Variants in TRAF7 observed in about 807,000 individuals in gnomAD.
TRAF7 encodes E3 ubiquitin-protein ligase TRAF7.
TRAF7 carries 45 observed loss-of-function variants against 89.3 expected under a neutral mutation model. That is an observed-to-expected ratio of 0.50 (90% CI 0.40 to 0.65). The LOEUF is 0.65. Among genes scored for constraint, TRAF7 ranks in the 30% least tolerant of loss-of-function variants. TRAF7 has a pLI of 0.00. For synonymous variants in TRAF7, 406 were observed against 369.2 expected, an observed-to-expected ratio of 1.10 and a Z score of -1.14; for missense variants, 677 against 918.1, an observed-to-expected ratio of 0.74 and a Z score of 3.39.
At chr16:2,164,159 T>TGTGTGTGTGTGCGC (rs879079517) in intron 2 of TRAF7, among the ~76,000 whole-genome samples, 158 bp downstream of exon 2, 4 of 126,078 alleles carry the variant, frequency 3.2e-5, no homozygotes, top group Non-Finnish European at 6.7e-5. Context: ...TGTGTGTGTG[T>TGTGTGTGTGTGCGC]GCGCGCGCGC....
chr16:2,165,551 G>T (rs1206637751), intron 2 of TRAF7, among the ~76,000 whole-genome samples: 1 of 123,132 alleles, frequency 8.1e-6, no homozygotes, highest in Non-Finnish European at 1.7e-5. Context: ...TGGTCGCATG[G>T]TTTAGCGTGT....
At position 2,163,576 on chromosome 16, in the gene TRAF7, G is replaced by C. The variant is rs1222933422; in HGVS notation, c.-38-307G>C. Reference sequence around the variant, plus strand: ...CTGTGACTCAGGACCCAGAGGAGTAGAGGGAGCCAGGCAGGGGTCCCTCCA... The same window carrying C: ...CTGTGACTCAGGACCCAGAGGAGTACAGGGAGCCAGGCAGGGGTCCCTCCA... On this transcript the variant is annotated intron_variant, in intron 1 of 20. Transcript: ENST00000326181. The surrounding 1 kb of genome is among the most constrained non-coding windows in gnomAD (Gnocchi z 4.3). 8.2e-6 allele frequency: 3 copies of C among 364,784 alleles called. No individual in the cohort carries two copies. Among genetic ancestry groups the C allele is most frequent in the South Asian group, 2.3e-5 (1 of 42,948 alleles). 22.6% of individuals were successfully genotyped at this position (364,784 alleles called of 1,614,324 possible).
At chr16:2,160,010 C>G (rs1323816734) in intron 1 of TRAF7, among the ~76,000 whole-genome samples, 1 of 152,232 alleles carries the variant, frequency 6.6e-6, no homozygotes, top group Admixed American at 6.5e-5. Flanking sequence ...CAGCAGAGCC[C>G]TCTAAGCCCA....
rs748206973 is a variant in TRAF7 at position 2,172,606 on chromosome 16, G to C, written c.794+7G>C. 3 of 1,545,752 alleles carry C rather than the reference G, an allele frequency of 1.9e-6. No individual in the cohort carries two copies. Among genetic ancestry groups the C allele is most frequent in the East Asian group, 4.9e-5 (2 of 40,896 alleles). The stretch of plus-strand genomic sequence containing the variant: ...GCCCCCACTCCAAGTACGGGTGAGT[G>C]GGGGGCGGGCGGGGGTGGGCCGGGG... On this transcript the variant is annotated splice_region_variant and intron_variant, in intron 9 of 20. Transcript: ENST00000326181.
At position 2,159,617 on chromosome 16, in the gene TRAF7, G is replaced by A. The variant is rs1006305741; in HGVS notation, c.-39+3759G>A. Among the ~76,000 whole-genome samples, 9 of 152,256 alleles carry A rather than the reference G, an allele frequency of 5.9e-5. No homozygotes were observed. Among genetic ancestry groups the A allele is most frequent in the African/African-American group, 1.9e-4 (8 of 41,530 alleles). ...CCTGGGCAGGCTCTGTGATGCCAGG[G>A]GCCACGCTCGGAGCTCTGGCCGCAG... On this transcript the variant is annotated intron_variant, in intron 1 of 20. Coordinates refer to ENST00000326181, the MANE Select transcript of TRAF7 (RefSeq NM_032271.3). The surrounding 1 kb of genome is among the most constrained non-coding windows in gnomAD (Gnocchi z 6.5).
intron 2 of TRAF7, among the ~76,000 whole-genome samples, chr16:2,165,126 T>C (rs534974992): frequency 1.9e-4 from 21 of 113,362 alleles, no homozygotes; most frequent in African/African-American, 3.5e-4. Context: ...CTGCGTGGCC[T>C]GGCCTGGTCG....
Position 2,165,447 on chromosome 16 carries a change from C to T in TRAF7, c.82-432C>T, listed in dbSNP as rs568446217. Among the ~76,000 whole-genome samples the T allele has an allele frequency of 4.0e-4, 50 of 124,676 alleles. 1 individual carries two copies. Among genetic ancestry groups the T allele is most frequent in the African/African-American group, 1.5e-3 (47 of 30,358 alleles). 81.8% of individuals were successfully genotyped at this position (124,676 alleles called of 152,430 possible). A position where few individuals can be genotyped will look rare whatever the true frequency, so the allele number is the denominator to read the frequency against. ...CGCATGGTTAAGCGTGTTAGTGCTG[C>T]GTGGCCTGGCCTGGTCGCATGGTTA... On this transcript the variant is annotated intron_variant, in intron 2 of 20. Transcript: ENST00000326181.
At position 2,173,413 on chromosome 16, in the gene TRAF7, C is replaced by T. The variant is rs771553329; in HGVS notation, c.1012+14C>T. On this transcript the variant is annotated intron_variant, in intron 10 of 20. Transcript: ENST00000326181. ...AGCTCAAGTTTGGTGAGGGTGGGCA[C>T]CGGGGCAGGCAGGGGCCTGGCCACT... The T allele has an allele frequency of 1.1e-5, 17 of 1,612,646 alleles. No individual in the cohort carries two copies. The highest frequency in any genetic ancestry group is 2.2e-5 in the East Asian group (1 of 44,870).
chr16:2,171,562 G>C lies in TRAF7; in HGVS notation c.442-10G>C. The C allele has an allele frequency of 6.2e-7, 1 of 1,613,314 alleles. No individual in the cohort carries two copies. The stretch of plus-strand genomic sequence containing the variant: ...TGCGCCACCCTCAAGCCCGCCCTTT[G>C]CCTCCACAGCACACGTTCTGTAGGA... On this transcript the variant is annotated splice_polypyrimidine_tract_variant and intron_variant, in intron 6 of 20. Coordinates refer to ENST00000326181, the MANE Select transcript of TRAF7 (RefSeq NM_032271.3).
intron 4 of TRAF7, among the ~76,000 whole-genome samples, chr16:2,169,338 C>T (rs2093099099): frequency 6.6e-6 from 1 of 152,210 alleles, no homozygotes; most frequent in African/African-American, 2.4e-5. Context: ...GGGCGCTGTG[C>T]TAGGCCGAGG....
rs2141258598 is a variant in TRAF7 at position 2,155,829 on chromosome 16, G to T, written c.-68G>T. On this transcript the variant is annotated 5_prime_UTR_variant, in exon 1 of 21. Transcript: ENST00000326181. The stretch of plus-strand genomic sequence containing the variant: ...GGGGGCATCATGAAGCGGGCTGGCG[G>T]CGCTGCCGCTCCCGGGCGGCCGCGG... 6.6e-6 allele frequency: 1 copy of T among 151,474 alleles called. No homozygotes were observed. The highest frequency in any genetic ancestry group is 6.6e-5 in the Admixed American group (1 of 15,196). The allele number at this position is 151,474 out of a possible 1,614,324, so 9.4% of individuals were successfully genotyped here.
Position 2,176,539 on chromosome 16 carries a change from G to A in TRAF7, c.1999-21G>A, listed in dbSNP as rs373137331. 11 of 1,613,212 alleles carry A rather than the reference G, an allele frequency of 6.8e-6. No homozygotes were observed. The African/African-American group carries it at 1.5e-4, about 22-fold the overall frequency. On this transcript the variant is annotated intron_variant, in intron 20 of 20. Transcript: ENST00000326181. ...GCAGCCGGCCGCAGGACATCCTGGT[G>A]AAGCAGCCCTTTCTCTGCAGGTTTG...
At position 2,163,875 on chromosome 16, in the gene TRAF7, A is replaced by C; in HGVS notation, c.-38-8A>C. ...CTCTCAAGCCCCTCATTTGTGCTCC[A>C]CCCACAGGAGGTGCTTCCCAAGGAC... is the stretch of plus-strand genomic sequence containing the variant. On this transcript the variant is annotated splice_polypyrimidine_tract_variant and splice_region_variant and intron_variant, in intron 1 of 20. Transcript: ENST00000326181. This position sits in a 1 kb window ranked among gnomAD's most constrained non-coding sequence, Gnocchi z 4.3. 1 of 1,551,850 alleles carries C rather than the reference A, an allele frequency of 6.4e-7. No individual in the cohort carries two copies. Among genetic ancestry groups the C allele is most frequent in the Non-Finnish European group, 8.8e-7 (1 of 1,130,372 alleles).
intron 11 of TRAF7, 71 bp downstream of exon 11, chr16:2,173,625 C>A: frequency 6.3e-7 from 1 of 1,591,550 alleles, no homozygotes; most frequent in South Asian, 1.1e-5. Context: ...AGGGAGGCCT[C>A]CCCTGGCCTT....
intron 20 of TRAF7, 84 bp downstream of exon 20, chr16:2,176,468 A>C: frequency 6.2e-7 from 1 of 1,612,998 alleles, no homozygotes. Flanking sequence ...GCCCCAGCAC[A>C]AAGTGGTGGA....
At chr16:2,172,622 TGGGCCGGGG>T in intron 9 of TRAF7, 23 bp downstream of exon 9, 1 of 752,318 alleles carries the variant, frequency 1.3e-6, no homozygotes, top group Non-Finnish European at 2.0e-6. Flanking sequence ...CGGGCGGGGG[TGGGCCGGGG>T]TGGGCGCAGG....
chr16:2,175,324 G>C lies in TRAF7; in HGVS notation c.1410G>C (p.Gln470His), dbSNP rs554318686. Residue 470 changes from glutamine to histidine, a missense_variant, in exon 16 of 21, where the codon CAG (glutamine) becomes CAC (histidine). By Grantham distance (24) the Gln-to-His change is conservative (BLOSUM62 0). Transcript: ENST00000326181. ...AGGTGTGGGACATCCAGAACCTGCAGAAGGTGAACACCATCCGGGCCCATG... is the reference window on the plus strand; with the variant it reads ...AGGTGTGGGACATCCAGAACCTGCACAAGGTGAACACCATCCGGGCCCATG... The part of the protein sequence containing the change: ...TIIVWDIQNL[Q>H]KVNTIRAHDN... 1 of 1,613,534 alleles carries C rather than the reference G, an allele frequency of 6.2e-7. No individual in the cohort carries two copies. Among genetic ancestry groups the C allele is most frequent in the Admixed American group, 1.7e-5 (1 of 60,024 alleles).
chr16:2,170,280 C>T (rs543971547), intron 4 of TRAF7, among the ~76,000 whole-genome samples: 1 of 152,362 alleles, frequency 6.6e-6, no homozygotes, highest in South Asian at 2.1e-4. Flanking sequence ...GGTGCCCCCT[C>T]ACGGCCCACA....
chr16:2,171,349 C>G lies in TRAF7; in HGVS notation c.434C>G (p.Thr145Arg). The stretch of plus-strand genomic sequence containing the variant: ...GTCTTCAAAGACCCCGTGATCACCA[C>G]GTGTGGGGTGAGCCCGCCGCCCTTC... Reference protein sequence around the residue: ...CSVFKDPVITTCGHTFCRRCA... With the variant: ...CSVFKDPVITRCGHTFCRRCA... The change falls in exon 6 of 21, where the codon ACG becomes AGG. Residue 145 changes from threonine (T) to arginine (R), a missense_variant. Transcript: ENST00000326181. The G allele has an allele frequency of 6.4e-7, 1 of 1,551,856 alleles. No individual in the cohort carries two copies. Among genetic ancestry groups the G allele is most frequent in the Non-Finnish European group, 8.7e-7 (1 of 1,147,436 alleles).
Sources: allele counts gnomAD v4.1 joint callset (sites outside exome capture counted in the v4.1 genomes callset), GRCh38; gene constraint gnomAD v4.1.1; non-coding constraint Gnocchi (gnomAD v3.1); transcripts MANE v1.5; gene names NCBI Gene and HGNC (gene_info 2026-07-23, HGNC 2026-07-21).